Variants in MALT1 observed in about 807,000 individuals in gnomAD.
MALT1 encodes the protein mucosa-associated lymphoid tissue lymphoma translocation protein 1.
A neutral mutation model predicts 85.5 loss-of-function variants in MALT1; 36 were observed. The ratio of observed to expected loss-of-function variants is 0.42; its 90% CI spans 0.32 to 0.56. MALT1 has a LOEUF of 0.56. MALT1 is among the 20% of genes least tolerant of loss of function. The pLI is 0.10. For synonymous variants in MALT1, 359 were observed against 361.3 expected (o/e 0.99, Z 0.07); for missense variants, 716 against 981.6 (o/e 0.73, Z 3.62).
chr18:58,712,835 C>G (rs142826055), intron 7 of MALT1, among the ~76,000 whole-genome samples: 1 of 152,120 alleles, frequency 6.6e-6, no homozygotes, highest in East Asian at 1.9e-4. Flanking sequence ...GATACTTGAT[C>G]AGGATGAGGG....
At chr18:58,726,201 T>C (rs2055052481) in intron 10 of MALT1, among the ~76,000 whole-genome samples, 1 of 152,182 alleles carries the variant, frequency 6.6e-6, no homozygotes, top group African/African-American at 2.4e-5. Flanking sequence ...TAAAGAGGCA[T>C]GTTAAAGCAA....
At position 58,752,450 on chromosome 18, in the gene MALT1, T is replaced by C. The variant is rs2055458934; in HGVS notation, c.*4608T>C. 6.6e-6 allele frequency: 1 copy of C among 152,166 alleles called. No homozygotes were observed. Among genetic ancestry groups the C allele is most frequent in the Non-Finnish European group, 1.5e-5 (1 of 68,012 alleles). 9.4% of individuals were successfully genotyped at this position (152,166 alleles called of 1,614,324 possible). On this transcript the variant is annotated 3_prime_UTR_variant, in exon 17 of 17. Transcript: ENST00000649217. ...CATTACTTTTGTGCATTTCATCCTG[T>C]TTCTCAGTTTGACATTGTCATTCAA...
intron 10 of MALT1, among the ~76,000 whole-genome samples, chr18:58,728,305 C>A (rs888412384): frequency 6.6e-6 from 1 of 152,110 alleles, no homozygotes; most frequent in Non-Finnish European, 1.5e-5. Flanking sequence ...AATTTAAAAA[C>A]AACAACAACA....
intron 10 of MALT1, among the ~76,000 whole-genome samples, chr18:58,730,924 G>A (rs576623300): frequency 4.5e-4 from 68 of 152,270 alleles, no homozygotes; most frequent in African/African-American, 1.6e-3. Context: ...AGAAGCATCA[G>A]ATCCTTTGCC....
chr18:58,674,522 A>G (rs1335301096), intron 1 of MALT1, among the ~76,000 whole-genome samples: 1 of 152,172 alleles, frequency 6.6e-6, no homozygotes, highest in Non-Finnish European at 1.5e-5. Flanking sequence ...TGGGAACGTT[A>G]AGCTCATCCC....
At chr18:58,746,287 C>T (rs1027437799) in intron 16 of MALT1, among the ~76,000 whole-genome samples, 5 of 152,174 alleles carry the variant, frequency 3.3e-5, no homozygotes, top group African/African-American at 1.2e-4. Context: ...CCAAAGCACT[C>T]GGAGTACAGG....
chr18:58,707,508 G>C (rs954473196), intron 4 of MALT1, among the ~76,000 whole-genome samples: 2 of 151,944 alleles, frequency 1.3e-5, no homozygotes, highest in African/African-American at 4.8e-5. Context: ...CACATGCCAT[G>C]GTGGTTTGCT....
chr18:58,690,487 C>A, intron 2 of MALT1: 2 of 173,102 alleles, frequency 1.2e-5, no homozygotes, highest in South Asian at 3.2e-4. Flanking sequence ...AGCCTCCTCC[C>A]CTGGATGGAG....
In MALT1 at chr18:58,709,391, C is replaced by T. The variant is rs374931065; in HGVS notation, c.663C>T (p.Gly221=). 17 of 1,581,902 alleles carry T rather than the reference C, an allele frequency of 1.1e-5. No homozygotes were observed. The highest frequency in any genetic ancestry group is 6.8e-5 in the East Asian group (3 of 43,844). Residue 221 remains glycine (G), a synonymous_variant, in exon 5 of 17, where the codon GGC becomes GGT. Transcript: ENST00000649217. ...IPESFQRSVD[G]VSESKLQICV... is the part of the protein sequence containing the mutation. ...TTTTAATTTAAGGAAGTGTTGATGG[C>T]GTCTCTGAATCCAAGTTGCAAATCT...
chr18:58,696,425 C>T lies in MALT1; in HGVS notation c.436C>T (p.Leu146=). The T allele has an allele frequency of 6.5e-7, 1 of 1,541,520 alleles. No individual in the cohort carries two copies. The highest frequency in any genetic ancestry group is 8.8e-7 in the Non-Finnish European group (1 of 1,140,380). ...KAVLAGQFVK[L]CCRATGHPFV... ...AGTCTTGGCTGGACAGTTTGTGAAA[C>T]TGTGTTGCCGGGCAACTGGACATCC... Residue 146 remains leucine, a synonymous_variant, in exon 3 of 17, where the codon CTG becomes TTG. Transcript: ENST00000649217.
At position 58,696,404 on chromosome 18, in the gene MALT1, T is replaced by G; in HGVS notation, c.415T>G (p.Leu139Val). The G allele has an allele frequency of 6.3e-7, 1 of 1,581,300 alleles. No individual in the cohort carries two copies. The highest frequency in any genetic ancestry group is 2.3e-5 in the East Asian group (1 of 43,468). The change falls in exon 3 of 17, where the codon TTG becomes GTG. Residue 139 changes from leucine to valine, a missense_variant. Coordinates refer to ENST00000649217, the MANE Select transcript of MALT1 (RefSeq NM_006785.4). ...ITVNPESKAV[L>V]AGQFVKLCCR... Reference sequence around the variant, plus strand: ...TGTAAACCCAGAGTCAAAGGCAGTCTTGGCTGGACAGTTTGTGAAACTGTG... The same window carrying G: ...TGTAAACCCAGAGTCAAAGGCAGTCGTGGCTGGACAGTTTGTGAAACTGTG...
At chr18:58,692,407 C>CCTCTCT (rs35054606) in intron 2 of MALT1, among the ~76,000 whole-genome samples, 1 of 130,458 alleles carries the variant, frequency 7.7e-6, no homozygotes, top group African/African-American at 3.0e-5. Context: ...ACTGGCCATT[C>CCTCTCT]CTCTCTCTCT....
In MALT1 at chr18:58,754,199, G is replaced by C. The variant is rs187145922; in HGVS notation, c.*6357G>C. The C allele has an allele frequency of 3.3e-4, 50 of 152,230 alleles. No individual in the cohort carries two copies. Among genetic ancestry groups the C allele is most frequent in the African/African-American group, 1.2e-3 (50 of 41,514 alleles). The allele number at this position is 152,230 out of a possible 1,614,324, so 9.4% of individuals were successfully genotyped here. On this transcript the variant is annotated 3_prime_UTR_variant, in exon 17 of 17. Transcript: ENST00000649217. ...ATGATTCAGACCCAGACCAGAGCCGGGTGTTTTGTCCACAGTACTGCTGCT... is the reference window on the plus strand; with the variant it reads ...ATGATTCAGACCCAGACCAGAGCCGCGTGTTTTGTCCACAGTACTGCTGCT...
At chr18:58,700,798 T>C (rs1370986860) in intron 4 of MALT1, among the ~76,000 whole-genome samples, 2 of 152,118 alleles carry the variant, frequency 1.3e-5, no homozygotes, top group Non-Finnish European at 2.9e-5. Flanking sequence ...TTTGGTTTTG[T>C]TGTTTTTTAA....
chr18:58,682,089 G>C (rs1264541491), intron 2 of MALT1, among the ~76,000 whole-genome samples: 1 of 152,170 alleles, frequency 6.6e-6, no homozygotes, highest in Non-Finnish European at 1.5e-5. Flanking sequence ...GGCTGGTTGA[G>C]CTTGGAAAGG....
At chr18:58,708,774 A>G (rs2093879043) in intron 4 of MALT1, among the ~76,000 whole-genome samples, 2 of 152,242 alleles carry the variant, frequency 1.3e-5, no homozygotes, top group South Asian at 2.1e-4. Flanking sequence ...GATCACCTGT[A>G]ATGTGTTAGA....
At chr18:58,672,041 G>A (rs1454862323) in intron 1 of MALT1, among the ~76,000 whole-genome samples, 189 bp downstream of exon 1, 9 of 152,318 alleles carry the variant, frequency 5.9e-5, no homozygotes, top group African/African-American at 2.2e-4. Context: ...TGGGGTTTGA[G>A]AGCGGGGCCC....
At chr18:58,714,488 C>G (rs1263143395) in intron 8 of MALT1, among the ~76,000 whole-genome samples, 1 of 152,090 alleles carries the variant, frequency 6.6e-6, no homozygotes, top group Admixed American at 6.5e-5. Context: ...TGATCAGACC[C>G]CTGGGACCTT....
intron 10 of MALT1, among the ~76,000 whole-genome samples, chr18:58,730,095 A>G (rs1296596271): frequency 6.6e-6 from 1 of 152,244 alleles, no homozygotes; most frequent in Admixed American, 6.5e-5. Context: ...GACGTTAAAA[A>G]TAAGTTTATC....
Sources: gnomAD v4.1 joint callset for allele counts (sites outside exome capture counted in the v4.1 genomes callset) on GRCh38, gnomAD v4.1.1 for gene constraint, MANE v1.5 for transcripts, NCBI Gene and HGNC (gene_info 2026-07-23, HGNC 2026-07-21) for gene names.